ZDHHC13: variants seen among roughly 807,000 people sequenced by gnomAD.
The protein encoded by ZDHHC13 is zDHHC palmitoyltransferase 13.
In ZDHHC13, 85 loss-of-function variants were observed where a neutral mutation model predicts 86.0. That is an observed-to-expected ratio of 0.99 (90% CI 0.83 to 1.18). The LOEUF (loss-of-function observed/expected upper bound fraction) is 1.18. Among genes scored for constraint, ZDHHC13 ranks in the 50% most tolerant of loss-of-function variants. The probability of loss-of-function intolerance (pLI) is 0.00; values close to 1 mark genes in which losing one functional copy is unlikely to be tolerated. For synonymous variants in ZDHHC13, 263 were observed against 246.4 expected, an observed-to-expected ratio of 1.07 and a Z score of -0.63; for missense variants, 711 against 730.2, an observed-to-expected ratio of 0.97 and a Z score of 0.30.
intron 4 of ZDHHC13, among the ~76,000 whole-genome samples, chr11:19,148,240 A>G (rs902049918): frequency 1.3e-5 from 2 of 151,884 alleles, no homozygotes; most frequent in African/African-American, 2.4e-5. Flanking sequence ...TTCTTTTATT[A>G]ATTTAAACTC....
In ZDHHC13 at chr11:19,155,909, T is replaced by C. The variant is rs756364423; in HGVS notation, c.987T>C (p.Phe329=). ...LKGCLLVTLF[F]LTSLFPRFLV... ...GATGTCTTCTAGTAACACTGTTTTTTCTGACATCTTTGTTTCCAAGGTGTG... is the reference window on the plus strand; with the variant it reads ...GATGTCTTCTAGTAACACTGTTTTTCCTGACATCTTTGTTTCCAAGGTGTG... Residue 329 remains phenylalanine (F), a synonymous_variant, in exon 9 of 17, where the codon TTT becomes TTC. Coordinates refer to ENST00000446113, the MANE Select transcript of ZDHHC13 (RefSeq NM_019028.3). 3 of 1,608,978 alleles carry C rather than the reference T, an allele frequency of 1.9e-6. No individual in the cohort carries two copies. The East Asian group carries it at 6.7e-5, about 36-fold the overall frequency.
intron 16 of ZDHHC13, among the ~76,000 whole-genome samples, chr11:19,175,555 GGAATCCAA>G (rs2133495869): frequency 6.6e-6 from 1 of 152,104 alleles, no homozygotes; most frequent in South Asian, 2.1e-4. Context: ...CATTAAGTGG[GGAATCCAA>G]AATGAAGTGA....
intron 14 of ZDHHC13, chr11:19,170,108 T>G (rs1442540365): frequency 1.7e-6 from 2 of 1,165,092 alleles, no homozygotes; most frequent in Non-Finnish European, 2.1e-6. Flanking sequence ...ATAATTAACT[T>G]CAGGCTAGTA....
intron 5 of ZDHHC13, 59 bp from the exon 6 acceptor site, chr11:19,150,668 A>G: frequency 1.4e-6 from 2 of 1,412,498 alleles, no homozygotes; most frequent in East Asian, 2.3e-5. Flanking sequence ...TTCTATTAAG[A>G]GAACAAATAG....
chr11:19,158,790 T>A, intron 9 of ZDHHC13, 150 bp from the exon 10 acceptor site: 2 of 502,694 alleles, frequency 4.0e-6, no homozygotes, highest in Admixed American at 3.8e-5. Flanking sequence ...TATTACCACA[T>A]GGAAAGTGAC....
chr11:19,145,497 T>C (rs752550822), intron 2 of ZDHHC13, among the ~76,000 whole-genome samples: 1 of 152,232 alleles, frequency 6.6e-6, no homozygotes, highest in African/African-American at 2.4e-5. Context: ...CTTCATAGCA[T>C]AGCACAGAAG....
At chr11:19,136,224 T>C (rs1370459053) in intron 1 of ZDHHC13, among the ~76,000 whole-genome samples, 1 of 152,092 alleles carries the variant, frequency 6.6e-6, no homozygotes, top group African/African-American at 2.4e-5. Context: ...AGAGGAGTGC[T>C]TAAAGGAGCT....
rs1383170351 is a variant in ZDHHC13 at position 19,152,406 on chromosome 11, G to A, written c.747+86G>A. 4 of 1,496,358 alleles carry A rather than the reference G, an allele frequency of 2.7e-6. No homozygotes were observed. In the African/African-American group the frequency reaches 4.2e-5, roughly 16 times the overall value. The allele number at this position is 1,496,358 out of a possible 1,614,324, so 92.7% of individuals were successfully genotyped here. A position where few individuals can be genotyped will look rare whatever the true frequency, so the allele number is the denominator to read the frequency against. On this transcript the variant is annotated intron_variant, in intron 7 of 16. Coordinates refer to ENST00000446113, the MANE Select transcript of ZDHHC13 (RefSeq NM_019028.3). ...TAACGTAAAGATAAGCTATATAATT[G>A]TTTTCAGTTACCCCAAGATAGATAT... is the stretch of plus-strand genomic sequence containing the variant.
intron 16 of ZDHHC13, among the ~76,000 whole-genome samples, chr11:19,174,845 GT>G (rs1208697627): frequency 6.6e-6 from 1 of 152,214 alleles, no homozygotes; most frequent in Non-Finnish European, 1.5e-5. Context: ...TAGAGCCAGA[GT>G]AGCTGGAGCA....
chr11:19,171,049 A>G (rs1012722982), intron 15 of ZDHHC13, among the ~76,000 whole-genome samples: 1 of 152,162 alleles, frequency 6.6e-6, no homozygotes, highest in African/African-American at 2.4e-5. Context: ...GTTTTCCCTC[A>G]GTTTTTCCAG....
chr11:19,172,612 C>A, intron 15 of ZDHHC13, 111 bp from the exon 16 acceptor site: 2 of 759,056 alleles, frequency 2.6e-6, no homozygotes, highest in Non-Finnish European at 2.0e-6. Context: ...CAAGGAGATA[C>A]TAAGGAGAAC....
In ZDHHC13 at chr11:19,158,998, G is replaced by A. The variant is rs1304379855; in HGVS notation, c.1066G>A (p.Val356Ile). The A allele has an allele frequency of 1.3e-6, 2 of 1,548,714 alleles. No homozygotes were observed. Among genetic ancestry groups the A allele is most frequent in the Admixed American group, 2.0e-5 (1 of 50,798 alleles). The change falls in exon 10 of 17, where the codon GTT becomes ATT. Residue 356 changes from valine to isoleucine, a missense_variant. Val to Ile is a conservative substitution (Grantham distance 29). Coordinates refer to ENST00000446113, the MANE Select transcript of ZDHHC13 (RefSeq NM_019028.3). The stretch of plus-strand genomic sequence containing the variant: ...ACCAACAGCCTTTCTGCTAAGTTCT[G>A]TTTTTTGGATATTTATGACTTGGTT... ...YLPTAFLLSS[V>I]FWIFMTWFIL...
chr11:19,163,965 G>A (rs776478762), intron 11 of ZDHHC13, among the ~76,000 whole-genome samples: 17 of 152,162 alleles, frequency 1.1e-4, no homozygotes, highest in Admixed American at 6.5e-5. Context: ...ATGTATACTG[G>A]TGGGTTTTTC....
intron 6 of ZDHHC13, among the ~76,000 whole-genome samples, chr11:19,151,295 T>C (rs1026718598): frequency 6.6e-6 from 1 of 152,076 alleles, no homozygotes; most frequent in Non-Finnish European, 1.5e-5. Flanking sequence ...TGTGTATTTA[T>C]TTCTATAAAC....
intron 1 of ZDHHC13, among the ~76,000 whole-genome samples, chr11:19,125,004 C>T (rs1848843130): frequency 6.6e-6 from 1 of 152,064 alleles, no homozygotes; most frequent in African/African-American, 2.4e-5. Context: ...TTCCTGGCAG[C>T]ACAGTCACCA....
At chr11:19,143,390 T>G (rs1849376000) in intron 2 of ZDHHC13, among the ~76,000 whole-genome samples, 1 of 152,234 alleles carries the variant, frequency 6.6e-6, no homozygotes. Flanking sequence ...TTTGCACAGT[T>G]CCTTCTTGTG....
chr11:19,155,070 C>T (rs575027166), intron 8 of ZDHHC13, among the ~76,000 whole-genome samples: 1 of 152,298 alleles, frequency 6.6e-6, no homozygotes, highest in Admixed American at 6.5e-5. Flanking sequence ...TGACCTTCTG[C>T]ATTAGGGATG....
At chr11:19,122,570 C>G (rs1172696401) in intron 1 of ZDHHC13, among the ~76,000 whole-genome samples, 1 of 151,226 alleles carries the variant, frequency 6.6e-6, no homozygotes. Context: ...ACTGTCAACT[C>G]TCTGTTTGTG....
chr11:19,171,068 G>T (rs1368056809), intron 15 of ZDHHC13, among the ~76,000 whole-genome samples: 1 of 152,176 alleles, frequency 6.6e-6, no homozygotes, highest in Non-Finnish European at 1.5e-5. Context: ...AGCGCTGTTT[G>T]TTACCCTTAT....
Sources: allele counts gnomAD v4.1 joint callset (sites outside exome capture counted in the v4.1 genomes callset), GRCh38; gene constraint gnomAD v4.1.1; transcripts MANE v1.5; gene names NCBI Gene and HGNC (gene_info 2026-07-23, HGNC 2026-07-21).